The following ADAMTSL2 variants were observed in gnomAD, a reference collection of about 807,000 sequenced individuals.
ADAMTSL2 encodes ADAMTS like 2.
A neutral mutation model predicts 117.0 loss-of-function variants in ADAMTSL2; 55 were observed. The observed-to-expected ratio is 0.47, with a 90% CI of 0.38 to 0.59. ADAMTSL2 has a LOEUF of 0.59. ADAMTSL2 is among the 20% of genes least tolerant of loss of function. The probability of loss-of-function intolerance (pLI) is 0.00; values close to 1 mark genes in which losing one functional copy is unlikely to be tolerated. For missense variants in ADAMTSL2, 1,182 were observed against 1,354.5 expected (o/e 0.87, Z 2.00); for synonymous variants, 572 against 566.4 (o/e 1.01, Z -0.14).
Position 133,534,879 on chromosome 9 carries a change from C to G in ADAMTSL2, c.-189C>G, listed in dbSNP as rs544535473. 6.8e-7 allele frequency: 1 copy of G among 1,462,520 alleles called. No homozygotes were observed. Among genetic ancestry groups the G allele is most frequent in the Non-Finnish European group, 9.1e-7 (1 of 1,102,092 alleles). The allele number at this position is 1,462,520 out of a possible 1,614,324, so 90.6% of individuals were successfully genotyped here. Reference sequence around the variant, plus strand: ...GCCGTCTGCCCTCCGCAGCGCTCGCCCCTTTCTCTGGGAGGACAACCTGCT... The same window carrying G: ...GCCGTCTGCCCTCCGCAGCGCTCGCGCCTTTCTCTGGGAGGACAACCTGCT... On this transcript the variant is annotated 5_prime_UTR_variant, in exon 1 of 19. Transcript: ENST00000651351.
chr9:133,544,702 C>G, intron 8 of ADAMTSL2, 152 bp downstream of exon 8: 1 of 764,836 alleles, frequency 1.3e-6, no homozygotes, highest in Admixed American at 2.0e-5. Flanking sequence ...AGAACTTGAG[C>G]CAGCTGTGTG....
At position 133,538,246 on chromosome 9, in the gene ADAMTSL2, G is replaced by A. The variant is rs937927681; in HGVS notation, c.234-103G>A. ...GGGAGGAAGGAGCCCTCTGGGTCAC[G>A]GGTATCGGGAGATTCTGGATCCCAG... On this transcript the variant is annotated intron_variant, in intron 3 of 18. Transcript: ENST00000651351. 3.0e-5 allele frequency: 41 copies of A among 1,372,622 alleles called. No homozygotes were observed. In the South Asian group the frequency reaches 4.4e-4, roughly 15 times the overall value. 85.0% of individuals were successfully genotyped at this position (1,372,622 alleles called of 1,614,324 possible). A position where few individuals can be genotyped will look rare whatever the true frequency, so the allele number is the denominator to read the frequency against.
At chr9:133,565,717 C>T (rs567426449) in intron 12 of ADAMTSL2, among the ~76,000 whole-genome samples, 9 of 152,222 alleles carry the variant, frequency 5.9e-5, no homozygotes, top group South Asian at 4.1e-4. Flanking sequence ...AGACACACGC[C>T]GCCGGGCGGC....
At chr9:133,539,982 G>A (rs1220074726) in intron 5 of ADAMTSL2, 109 bp downstream of exon 5, 1 of 1,058,102 alleles carries the variant, frequency 9.5e-7, no homozygotes, top group Non-Finnish European at 1.4e-6. Context: ...GGGAAATGGA[G>A]GTGGTCAGAC....
At chr9:133,572,807 C>T (rs1047679908) in intron 17 of ADAMTSL2, among the ~76,000 whole-genome samples, 6 of 152,274 alleles carry the variant, frequency 3.9e-5, no homozygotes, top group South Asian at 4.1e-4. Context: ...TGCATAGCGG[C>T]GGCTCAGTCA....
chr9:133,564,211 AGG>A (rs1453811509), intron 12 of ADAMTSL2, among the ~76,000 whole-genome samples: 2 of 70,420 alleles, frequency 2.8e-5, no homozygotes, highest in Non-Finnish European at 3.1e-5. Flanking sequence ...AGAGAGAGAG[AGG>A]GAGAGGGAGA....
rs959386180 is a variant in ADAMTSL2 at position 133,561,300 on chromosome 9, T to C, written c.1747+5T>C. 4.4e-5 allele frequency: 70 copies of C among 1,583,126 alleles called. No homozygotes were observed. The highest frequency in any genetic ancestry group is 5.8e-5 in the Non-Finnish European group (67 of 1,164,210). ...GCAGTGCCACCTGCACCACAGGTAC[T>C]GGTCACGGGTGCCAAGGGGCAGCAA... On this transcript the variant is annotated splice_donor_5th_base_variant and intron_variant, in intron 12 of 18. Coordinates refer to ENST00000651351, the MANE Select transcript of ADAMTSL2 (RefSeq NM_014694.4).
chr9:133,556,566 A>AGGCTGGCATTGC (rs762406344), intron 11 of ADAMTSL2, among the ~76,000 whole-genome samples: 3 of 152,202 alleles, frequency 2.0e-5, no homozygotes, highest in South Asian at 2.1e-4. Flanking sequence ...ATGAAGAACA[A>AGGCTGGCATTGC]GGCTGGCATT....
At chr9:133,534,690 G>T, upstream of ADAMTSL2, 1 of 1,350,930 alleles carries the variant, frequency 7.4e-7, no homozygotes, top group Non-Finnish European at 9.6e-7. Flanking sequence ...GGCGGCCGCC[G>T]GCGCAGAGCC....
At chr9:133,556,828 C>T (rs1830613734) in intron 11 of ADAMTSL2, among the ~76,000 whole-genome samples, 2 of 152,202 alleles carry the variant, frequency 1.3e-5, no homozygotes, top group African/African-American at 2.4e-5. Context: ...CCAGACCTGT[C>T]GTGTCCCTAC....
Position 133,547,230 on chromosome 9 carries a change from CCTTGGGGGCCCCAGGGG to C in ADAMTSL2, c.939+19_939+35del, listed in dbSNP as rs779098356. The C allele has an allele frequency of 7.5e-6, 12 of 1,607,484 alleles. No individual in the cohort carries two copies. The East Asian group carries it at 2.5e-4, about 33-fold the overall frequency. On this transcript the variant is annotated intron_variant, in intron 9 of 18. Coordinates refer to ENST00000651351, the MANE Select transcript of ADAMTSL2 (RefSeq NM_014694.4). ...AATGTCATGGTACGTGTGCCGCAGG[CCTTGGGGGCCCCAGGGG>C]CCCTGGGCACTGTTTCCCCAGAATC...
chr9:133,554,715 T>A lies in ADAMTSL2; in HGVS notation c.1276+22T>A. On this transcript the variant is annotated intron_variant, in intron 10 of 18. Transcript: ENST00000651351. The surrounding 1 kb of genome is among the most constrained non-coding windows in gnomAD (Gnocchi z 5.2). Reference sequence around the variant, plus strand: ...CGAGGTAACCAGGAGGAGGGAGGCATGAGGGTGGGGCCCGGGAGGCAGCCC... The same window carrying A: ...CGAGGTAACCAGGAGGAGGGAGGCAAGAGGGTGGGGCCCGGGAGGCAGCCC... 6.8e-7 allele frequency: 1 copy of A among 1,468,910 alleles called. No individual in the cohort carries two copies. The highest frequency in any genetic ancestry group is 9.0e-7 in the Non-Finnish European group (1 of 1,107,612). 91.0% of individuals were successfully genotyped at this position (1,468,910 alleles called of 1,614,324 possible).
At chr9:133,533,968 C>G (rs1829991109), upstream of ADAMTSL2, among the ~76,000 whole-genome samples, 1 of 152,192 alleles carries the variant, frequency 6.6e-6, no homozygotes, top group Admixed American at 6.5e-5. Flanking sequence ...CCCAGGGGGG[C>G]TCTGCTGCTC....
chr9:133,537,575 G>GA (rs771258209), intron 3 of ADAMTSL2, 28 bp downstream of exon 3: 16 of 1,336,796 alleles, frequency 1.2e-5, no homozygotes, highest in African/African-American at 3.0e-5. Context: ...TGGCCCTGAG[G>GA]GGATGGCATG....
chr9:133,561,050 G>A, intron 11 of ADAMTSL2, 148 bp from the exon 12 acceptor site: 1 of 726,026 alleles, frequency 1.4e-6, no homozygotes, highest in Middle Eastern at 3.2e-4. Flanking sequence ...TCTGACCGTA[G>A]CAGGTGGAGG....
chr9:133,556,863 C>A (rs1830614513), intron 11 of ADAMTSL2, among the ~76,000 whole-genome samples: 1 of 152,208 alleles, frequency 6.6e-6, no homozygotes, highest in Non-Finnish European at 1.5e-5. Flanking sequence ...TGGTGACAAG[C>A]CCCGCCTGCC....
In ADAMTSL2 at chr9:133,555,805, C is replaced by T. The variant is rs906578765; in HGVS notation, c.1524C>T (p.Tyr508=). The change falls in exon 11 of 19, where the codon TAC becomes TAT. Residue 508 remains tyrosine, a synonymous_variant. Transcript: ENST00000651351. ...DYEENEGAGP[Y]LLNGSYLELS... is the part of the protein sequence containing the mutation. ...AGGAGAACGAGGGGGCTGGCCCTTA[C>T]CTGCTCAACGGGTCCTACCTGGAGC... is the stretch of plus-strand genomic sequence containing the variant. 6.2e-6 allele frequency: 10 copies of T among 1,613,796 alleles called. No individual in the cohort carries two copies. Among genetic ancestry groups the T allele is most frequent in the Non-Finnish European group, 7.6e-6 (9 of 1,180,048 alleles).
At chr9:133,534,502 C>T (rs1301045278), upstream of ADAMTSL2, 3 of 463,272 alleles carry the variant, frequency 6.5e-6, no homozygotes, top group Non-Finnish European at 1.0e-5. Context: ...GAAGGCCTCC[C>T]TGCTCGCCGC....
At chr9:133,563,745 T>C (rs1008825921) in intron 12 of ADAMTSL2, among the ~76,000 whole-genome samples, 12 of 148,742 alleles carry the variant, frequency 8.1e-5, no homozygotes, top group Admixed American at 2.0e-4. Flanking sequence ...AGAAGGAAAC[T>C]CTGCTTTACA....
Sources: gnomAD v4.1 joint callset for allele counts (sites outside exome capture counted in the v4.1 genomes callset) on GRCh38, gnomAD v4.1.1 for gene constraint, Gnocchi (gnomAD v3.1) non-coding constraint, MANE v1.5 for transcripts, NCBI Gene and HGNC (gene_info 2026-07-23, HGNC 2026-07-21) for gene names.